Variants in HROB observed in about 807,000 individuals in gnomAD.
HROB encodes homologous recombination factor with OB-fold.
A neutral mutation model predicts 61.0 loss-of-function variants in HROB; 44 were observed. The ratio of observed to expected loss-of-function variants is 0.72; its 90% CI spans 0.57 to 0.93. The LOEUF is 0.93. HROB is among the 40% of genes least tolerant of loss of function. The pLI is 0.00. For synonymous variants in HROB, 301 were observed against 310.4 expected, an observed-to-expected ratio of 0.97 and a Z score of 0.32; for missense variants, 716 against 796.2, an observed-to-expected ratio of 0.90 and a Z score of 1.21.
intron 5 of HROB, 107 bp downstream of exon 5, chr17:44,152,884 C>T: frequency 1.5e-6 from 2 of 1,363,186 alleles, no homozygotes. Context: ...CCCTCGTACC[C>T]TATACAAGTA....
intron 8 of HROB, among the ~76,000 whole-genome samples, chr17:44,157,567 C>T (rs1324343133): frequency 6.6e-6 from 1 of 151,976 alleles, no homozygotes; most frequent in Admixed American, 6.6e-5. Flanking sequence ...GCGTGTGCCA[C>T]CATGCCCGGC....
At chr17:44,144,672 C>T (rs2053560094) in intron 1 of HROB, among the ~76,000 whole-genome samples, 1 of 152,032 alleles carries the variant, frequency 6.6e-6, no homozygotes, top group Non-Finnish European at 1.5e-5. Flanking sequence ...ACCTCAGCCT[C>T]CCAAGTAGCT....
At position 44,141,949 on chromosome 17, in the gene HROB, G is replaced by A; in HGVS notation, c.-194G>A. The stretch of plus-strand genomic sequence containing the variant: ...CGCCCCAGTGGCGGCGTCTTCGAAT[G>A]CGGCCTAAGGCGCCTGCCGCCAGTC... On this transcript the variant is annotated 5_prime_UTR_variant, in exon 1 of 10. It removes an upstream start codon present in the reference 5' UTR. Coordinates refer to ENST00000585683, the MANE Select transcript of HROB (RefSeq NM_001171251.3). 2.2e-5 allele frequency: 15 copies of A among 670,658 alleles called. No homozygotes were observed. Among genetic ancestry groups the A allele is most frequent in the Non-Finnish European group, 3.5e-5 (15 of 424,922 alleles). The allele number at this position is 670,658 out of a possible 1,614,324, so 41.5% of individuals were successfully genotyped here.
At chr17:44,159,472 G>A (rs1334804785) in intron 9 of HROB, among the ~76,000 whole-genome samples, 3 of 152,164 alleles carry the variant, frequency 2.0e-5, no homozygotes, top group Non-Finnish European at 4.4e-5. Context: ...GCAGAGACGA[G>A]AGATTATAGA....
At position 44,150,961 on chromosome 17, in the gene HROB, C is replaced by T; in HGVS notation, c.1225C>T (p.Gln409Ter). The change falls in exon 4 of 10, where the codon CAG becomes TAG. Residue 409 changes from glutamine to a stop codon, truncating the protein, a stop_gained and splice_region_variant. Transcript: ENST00000585683. LOFTEE classifies it high-confidence loss of function. ...PGPAGILPHQ[Q>*]SGRSLEDIMV... ...ATCTTCTCCTTCCCTCCCCTCTTAGCAGAGTGGGAGAAGTCTGGAGGACAT... is the reference window on the plus strand; with the variant it reads ...ATCTTCTCCTTCCCTCCCCTCTTAGTAGAGTGGGAGAAGTCTGGAGGACAT... The T allele has an allele frequency of 1.2e-6, 2 of 1,609,150 alleles. No individual in the cohort carries two copies. The highest frequency in any genetic ancestry group is 1.7e-6 in the Non-Finnish European group (2 of 1,176,572).
Position 44,147,018 on chromosome 17 carries a change from A to C in HROB, c.55-840A>C, listed in dbSNP as rs991614859. On this transcript the variant is annotated intron_variant, in intron 2 of 9. Transcript: ENST00000585683. ...CTCTCTGGCTTACTGAAGGGTAGCT[A>C]TCTCTGTGTAGTGTGTGTGTGTGTG... Among the ~76,000 whole-genome samples, 64 of 136,704 alleles carry C rather than the reference A, an allele frequency of 4.7e-4. No individual in the cohort carries two copies. The Admixed American group carries it at 5.1e-3, about 11-fold the overall frequency. The allele number at this position is 136,704 out of a possible 152,430, so 89.7% of individuals were successfully genotyped here.
intron 4 of HROB, among the ~76,000 whole-genome samples, chr17:44,151,367 C>T (rs796493515): frequency 6.6e-6 from 1 of 152,194 alleles, no homozygotes; most frequent in Non-Finnish European, 1.5e-5. Context: ...CTCAGGAGCC[C>T]TTCCTCTCAG....
At chr17:44,152,269 C>T (rs1263854029) in intron 4 of HROB, among the ~76,000 whole-genome samples, 3 of 151,806 alleles carry the variant, frequency 2.0e-5, no homozygotes, top group Non-Finnish European at 4.4e-5. Context: ...TGTGAGCCAC[C>T]GCGTCTGGCC....
In HROB at chr17:44,162,160, G is replaced by C. The variant is rs2054159966; in HGVS notation, c.*228G>C. ...GGCACCAGAATCCGGCCGGAGACTG[G>C]CTCTCCAGCCAACAAGAAAGGCCTG... On this transcript the variant is annotated 3_prime_UTR_variant, in exon 10 of 10. Transcript: ENST00000585683. The C allele has an allele frequency of 2.0e-6, 1 of 508,180 alleles. No individual in the cohort carries two copies. The highest frequency in any genetic ancestry group is 3.5e-6 in the Non-Finnish European group (1 of 284,748). 31.5% of individuals were successfully genotyped at this position (508,180 alleles called of 1,614,324 possible). A position where few individuals can be genotyped will look rare whatever the true frequency, so the allele number is the denominator to read the frequency against.
rs1028523505 is a variant in HROB at position 44,141,977 on chromosome 17, C to T, written c.-166C>T. The T allele has an allele frequency of 6.0e-6, 6 of 995,856 alleles. No homozygotes were observed. The highest frequency in any genetic ancestry group is 2.2e-4 in the Middle Eastern group (1 of 4,620). The allele number at this position is 995,856 out of a possible 1,614,324, so 61.7% of individuals were successfully genotyped here. ...GCCTAAGGCGCCTGCCGCCAGTCTC[C>T]TGGCGACTTTCCCTATATCGCAGAG... On this transcript the variant is annotated 5_prime_UTR_variant, in exon 1 of 10. Coordinates refer to ENST00000585683, the MANE Select transcript of HROB (RefSeq NM_001171251.3).
chr17:44,154,976 T>C (rs1319690826), intron 7 of HROB, 38 bp downstream of exon 7: 2 of 1,596,018 alleles, frequency 1.3e-6, no homozygotes, highest in East Asian at 2.3e-5. Context: ...GCCCCCCGGA[T>C]AGAGCCCTCA....
intron 2 of HROB, 86 bp from the exon 3 acceptor site, chr17:44,147,772 A>T: frequency 7.6e-7 from 1 of 1,309,238 alleles, no homozygotes; most frequent in Non-Finnish European, 1.0e-6. Flanking sequence ...CTACACACAA[A>T]CATACACGCC....
rs755690572 is a variant in HROB, at chr17:44,148,471, T to C, written c.668T>C (p.Met223Thr). ...PVPAIHKAGIMSAQDESLDPV... is the reference protein window; with the variant it reads ...PVPAIHKAGITSAQDESLDPV... ...CCTGCCATCCACAAAGCGGGTATCATGTCCGCCCAGGATGAGTCTCTAGAT... is the reference window on the plus strand; with the variant it reads ...CCTGCCATCCACAAAGCGGGTATCACGTCCGCCCAGGATGAGTCTCTAGAT... Residue 223 changes from methionine (M) to threonine (T), a missense_variant, in exon 3 of 10, where the codon ATG becomes ACG. Met to Thr is a moderately conservative substitution (Grantham distance 81). Transcript: ENST00000585683. 8.7e-6 allele frequency: 14 copies of C among 1,614,042 alleles called. No homozygotes were observed. Among genetic ancestry groups the C allele is most frequent in the Admixed American group, 8.3e-5 (5 of 59,996 alleles).
intron 8 of HROB, among the ~76,000 whole-genome samples, chr17:44,156,989 G>A (rs1232515686): frequency 1.3e-5 from 2 of 151,344 alleles, no homozygotes; most frequent in Non-Finnish European, 3.0e-5. Flanking sequence ...GTAGAGATGG[G>A]GTTTCACCAT....
chr17:44,155,556 C>G (rs1488715700), intron 8 of HROB, 145 bp downstream of exon 8: 2 of 1,272,702 alleles, frequency 1.6e-6, no homozygotes, highest in Non-Finnish European at 2.1e-6. Context: ...GGGGACAGGA[C>G]CATCTCCTAT....
rs776760310 is a variant in HROB, at chr17:44,155,310, C to T, written c.1669C>T (p.Arg557Ter). ...KQIGVFSPSL[R>*]NHYLNVTPNN... ...GATTGGAGTGTTTTCTCCTTCACTT[C>T]GAAATCACTACCTCAACGTGACACC... is the stretch of plus-strand genomic sequence containing the variant. Residue 557 changes from arginine to a stop codon, truncating the protein, a stop_gained, in exon 8 of 10, where the codon CGA becomes TGA. Transcript: ENST00000585683. LOFTEE classifies it high-confidence loss of function. The T allele has an allele frequency of 6.2e-7, 1 of 1,614,138 alleles. No homozygotes were observed.
At chr17:44,161,151 C>T (rs577453817) in intron 9 of HROB, among the ~76,000 whole-genome samples, 23 of 150,430 alleles carry the variant, frequency 1.5e-4, no homozygotes, top group East Asian at 9.8e-4. Flanking sequence ...TGCAGTGAGC[C>T]GAGATCACGC....
At position 44,162,001 on chromosome 17, in the gene HROB, G is replaced by A. The variant is rs1222431713; in HGVS notation, c.*69G>A. ...GGGCATGTGTCTGGTCACATCCAAG[G>A]GGGAGAAGAAGGCCAGCATGATTGG... On this transcript the variant is annotated 3_prime_UTR_variant, in exon 10 of 10. Transcript: ENST00000585683. The A allele has an allele frequency of 6.5e-7, 1 of 1,531,022 alleles. No homozygotes were observed. 94.8% of individuals were successfully genotyped at this position (1,531,022 alleles called of 1,614,324 possible).
At chr17:44,159,210 C>G (rs1296489669) in intron 9 of HROB, among the ~76,000 whole-genome samples, 1 of 152,020 alleles carries the variant, frequency 6.6e-6, no homozygotes, top group East Asian at 1.9e-4. Flanking sequence ...CAAACTGTTC[C>G]AGTATAATAC....
Sources: gnomAD v4.1 joint callset for allele counts (sites outside exome capture counted in the v4.1 genomes callset) on GRCh38, gnomAD v4.1.1 for gene constraint, MANE v1.5 for transcripts, NCBI Gene and HGNC (gene_info 2026-07-23, HGNC 2026-07-21) for gene names.